Variants in CHMP1A observed in about 807,000 individuals in gnomAD.
CHMP1A encodes the protein charged multivesicular body protein 1A, also known as VPS46 homolog A.
In CHMP1A, 17 loss-of-function variants were observed where a neutral mutation model predicts 27.0. The ratio of observed to expected loss-of-function variants is 0.63; its 90% CI spans 0.43 to 0.95. The LOEUF (loss-of-function observed/expected upper bound fraction) is 0.95. Ranked by LOEUF, CHMP1A falls within the 40% of genes least tolerant of loss-of-function variation. The pLI is 0.00. For missense variants in CHMP1A, 275 were observed against 264.0 expected, an observed-to-expected ratio of 1.04 and a Z score of -0.29; for synonymous variants, 131 against 107.5, an observed-to-expected ratio of 1.22 and a Z score of -1.35.
chr16:89,646,757 C>T, intron 5 of CHMP1A, 43 bp from the exon 6 acceptor site: 2 of 1,580,556 alleles, frequency 1.3e-6, no homozygotes, highest in Non-Finnish European at 1.7e-6. Flanking sequence ...GGGGCCAGGC[C>T]CATGGGGCCC....
intron 5 of CHMP1A, 64 bp downstream of exon 5, chr16:89,647,139 C>G: frequency 6.3e-7 from 1 of 1,579,300 alleles, no homozygotes; most frequent in Admixed American, 1.8e-5. Flanking sequence ...CCACCCCTCC[C>G]GATGAGCTGC....
At chr16:89,653,996 C>T in intron 1 of CHMP1A, 73 bp from the exon 2 acceptor site, 2 of 1,519,048 alleles carry the variant, frequency 1.3e-6, no homozygotes, top group Non-Finnish European at 1.8e-6. Context: ...GCAGGACTCA[C>T]TAGGTTCCTT....
chr16:89,655,729 G>A (rs56262611), intron 1 of CHMP1A, among the ~76,000 whole-genome samples: 429 of 152,060 alleles, frequency 2.8e-3, no homozygotes, highest in Non-Finnish European at 4.5e-3. Context: ...AGGTTTAAGC[G>A]ATTCTCCTGT....
At chr16:89,653,707 C>A (rs899606368) in intron 2 of CHMP1A, among the ~76,000 whole-genome samples, 197 bp downstream of exon 2, 3 of 151,704 alleles carry the variant, frequency 2.0e-5, no homozygotes, top group African/African-American at 7.3e-5. Flanking sequence ...TCCACTTAGC[C>A]TCAGATAAGA....
Position 89,646,713 on chromosome 16 carries a change from A to T in CHMP1A, c.383T>A (p.Val128Glu). The T allele has an allele frequency of 6.2e-7, 1 of 1,607,640 alleles. No individual in the cohort carries two copies. Among genetic ancestry groups the T allele is most frequent in the Non-Finnish European group, 8.5e-7 (1 of 1,177,832 alleles). The change falls in exon 6 of 7, where the codon GTG becomes GAG. Residue 128 changes from valine (V) to glutamate (E), a missense_variant and splice_region_variant. Physicochemically the swap from Val to Glu is moderately radical, Grantham distance 121. Coordinates refer to ENST00000397901, the MANE Select transcript of CHMP1A (RefSeq NM_002768.5). Reference protein sequence around the residue: ...QVQNLDVHTSVMEDSMSSATT... With the variant: ...QVQNLDVHTSEMEDSMSSATT... ...GGCCGAGCTCATGGAGTCCTCCATC[A>T]CCTGGGGGCAGGGGCATGCTCTGGA...
intron 4 of CHMP1A, among the ~76,000 whole-genome samples, chr16:89,647,707 G>C (rs1196689458): frequency 1.3e-3 from 6 of 4,574 alleles, no homozygotes; most frequent in African/African-American, 3.0e-3. Flanking sequence ...GCGCGGGGTC[G>C]GTGGAGAAAA....
chr16:89,649,817 C>T (rs1430243520), intron 3 of CHMP1A, among the ~76,000 whole-genome samples: 1 of 152,226 alleles, frequency 6.6e-6, no homozygotes, highest in Non-Finnish European at 1.5e-5. Flanking sequence ...ACCTCGTGAT[C>T]TGCCCGCCTC....
At chr16:89,650,061 G>A (rs926940161) in intron 3 of CHMP1A, among the ~76,000 whole-genome samples, 2 of 152,164 alleles carry the variant, frequency 1.3e-5, no homozygotes, top group Non-Finnish European at 2.9e-5. Context: ...GCAGTTCTCC[G>A]AGCTCCATTC....
At chr16:89,653,878 G>A (rs766270425) in intron 2 of CHMP1A, 26 bp downstream of exon 2, 1 of 1,610,610 alleles carries the variant, frequency 6.2e-7, no homozygotes, top group Non-Finnish European at 8.5e-7. Context: ...GAACAGGGCT[G>A]GGGTGAACGG....
intron 3 of CHMP1A, 83 bp from the exon 4 acceptor site, chr16:89,649,580 GT>G: frequency 6.6e-7 from 1 of 1,522,656 alleles, no homozygotes; most frequent in African/African-American, 1.4e-5. Context: ...GTTTTGTTTT[GT>G]TTTGTTTTGT....
intron 1 of CHMP1A, among the ~76,000 whole-genome samples, chr16:89,655,379 C>T (rs760701686): frequency 4.0e-5 from 2 of 49,756 alleles, no homozygotes; most frequent in Non-Finnish European, 1.3e-4. Context: ...CTTTCCCTCA[C>T]CTCAGCTTTC....
rs1282783645 is a variant in CHMP1A at position 89,649,384 on chromosome 16, G to A, written c.219C>T (p.Ala73=). The change falls in exon 4 of 7, where the codon GCC becomes GCT. Residue 73 remains alanine (A), a synonymous_variant. Coordinates refer to ENST00000397901, the MANE Select transcript of CHMP1A (RefSeq NM_002768.5). The stretch of plus-strand genomic sequence containing the variant: ...TAGTCACAGCTGTCTGCACCTTGGA[G>A]GCCACTGCGTCTACGCGGGACGCCA... ...LRMASRVDAV[A]SKVQTAVTMK... 1.2e-6 allele frequency: 2 copies of A among 1,613,528 alleles called. No individual in the cohort carries two copies. The highest frequency in any genetic ancestry group is 1.3e-5 in the African/African-American group (1 of 74,924).
In CHMP1A at chr16:89,646,443, A is replaced by G. The variant is rs940854203; in HGVS notation, c.569+84T>C. 9 of 1,384,024 alleles carry G rather than the reference A, an allele frequency of 6.5e-6. No individual in the cohort carries two copies. In the African/African-American group the frequency reaches 1.0e-4, roughly 15 times the overall value. The allele number at this position is 1,384,024 out of a possible 1,614,324, so 85.7% of individuals were successfully genotyped here. A position where few individuals can be genotyped will look rare whatever the true frequency, so the allele number is the denominator to read the frequency against. Reference sequence around the variant, plus strand: ...GGAGCCTCAGCCCAAGCTCTCCTCCAGCCTCTAACCCACAACCCTCTCTCC... The same window carrying G: ...GGAGCCTCAGCCCAAGCTCTCCTCCGGCCTCTAACCCACAACCCTCTCTCC... On this transcript the variant is annotated intron_variant, in intron 6 of 6. Coordinates refer to ENST00000397901, the MANE Select transcript of CHMP1A (RefSeq NM_002768.5).
intron 1 of CHMP1A, among the ~76,000 whole-genome samples, chr16:89,655,955 C>A (rs1043971634): frequency 1.3e-5 from 2 of 152,090 alleles, no homozygotes; most frequent in African/African-American, 4.8e-5. Flanking sequence ...CAGCCGTGAG[C>A]CACCGCGCCC....
chr16:89,646,222 T>G lies in CHMP1A; in HGVS notation c.570-135A>C, dbSNP rs76686120. 471 of 816,932 alleles carry G rather than the reference T, an allele frequency of 5.8e-4. 1 individual carries two copies. Among genetic ancestry groups the G allele is most frequent in the Admixed American group, 1.1e-3 (39 of 34,192 alleles). The allele number at this position is 816,932 out of a possible 1,614,324, so 50.6% of individuals were successfully genotyped here. A position where few individuals can be genotyped will look rare whatever the true frequency, so the allele number is the denominator to read the frequency against. Reference sequence around the variant, plus strand: ...GAGTGACAGGCCTTGGAAACAGACATGCCCTGTCCCACTCTTACCTGATCT... The same window carrying G: ...GAGTGACAGGCCTTGGAAACAGACAGGCCCTGTCCCACTCTTACCTGATCT... On this transcript the variant is annotated intron_variant, in intron 6 of 6. Coordinates refer to ENST00000397901, the MANE Select transcript of CHMP1A (RefSeq NM_002768.5).
intron 1 of CHMP1A, 60 bp downstream of exon 1, chr16:89,657,522 A>G: frequency 6.3e-7 from 1 of 1,598,780 alleles, no homozygotes. Flanking sequence ...AGCCCACGCC[A>G]GTGGGAGAAG....
chr16:89,646,655 G>A lies in CHMP1A; in HGVS notation c.441C>T (p.Asp147=), dbSNP rs377005313. The A allele has an allele frequency of 1.6e-5, 25 of 1,610,852 alleles. No individual in the cohort carries two copies. Among genetic ancestry groups the A allele is most frequent in the Non-Finnish European group, 2.0e-5 (23 of 1,179,146 alleles). ...TTLTTPQEQV[D]SLIMQIAEEN... ...CCTCGGCGATCTGCATGATGAGGCT[G>A]TCCACCTGCTCCTGCGGCGTGGTCA... is the stretch of plus-strand genomic sequence containing the variant. Residue 147 remains aspartate, a synonymous_variant, in exon 6 of 7, where the codon GAC becomes GAT. Coordinates refer to ENST00000397901, the MANE Select transcript of CHMP1A (RefSeq NM_002768.5).
intron 2 of CHMP1A, 104 bp downstream of exon 2, chr16:89,653,800 G>A: frequency 2.4e-6 from 3 of 1,234,370 alleles, no homozygotes; most frequent in Middle Eastern, 1.9e-4. Flanking sequence ...TCACTCAACT[G>A]TTATATAATC....
At chr16:89,657,529 G>T in intron 1 of CHMP1A, 53 bp downstream of exon 1, 2 of 1,603,692 alleles carry the variant, frequency 1.2e-6, no homozygotes, top group Non-Finnish European at 1.7e-6. Context: ...GCCAGTGGGA[G>T]AAGCGGCCCC....
Sources: allele counts gnomAD v4.1 joint callset (sites outside exome capture counted in the v4.1 genomes callset), GRCh38; gene constraint gnomAD v4.1.1; transcripts MANE v1.5; gene names NCBI Gene and HGNC (gene_info 2026-07-23, HGNC 2026-07-21).